The following DACH1 variants were observed in gnomAD, a reference collection of about 807,000 sequenced individuals.
DACH1 encodes the protein dachshund homolog 1.
A neutral mutation model predicts 54.2 loss-of-function variants in DACH1; 12 were observed. The observed-to-expected ratio is 0.22, with a 90% confidence interval of 0.14 to 0.36. The LOEUF (loss-of-function observed/expected upper bound fraction) is 0.36. DACH1 is among the 10% of genes least tolerant of loss of function. The probability of loss-of-function intolerance (pLI) is 1.00; values close to 1 mark genes in which losing one functional copy is unlikely to be tolerated. For missense variants in DACH1, 805 were observed against 929.8 expected, an observed-to-expected ratio of 0.87 and a Z score of 1.75; for synonymous variants, 386 against 366.2, an observed-to-expected ratio of 1.05 and a Z score of -0.62.
At chr13:71,546,160 AT>A (rs1164896185) in intron 6 of DACH1, among the ~76,000 whole-genome samples, 2 of 152,072 alleles carry the variant, frequency 1.3e-5, no homozygotes, top group Non-Finnish European at 2.9e-5. Context: ...TTGCAATAAA[AT>A]TTTTTTAAAT....
At chr13:71,705,789 T>A (rs1396007515) in intron 1 of DACH1, among the ~76,000 whole-genome samples, 1 of 152,010 alleles carries the variant, frequency 6.6e-6, no homozygotes, top group African/African-American at 2.4e-5. Context: ...TCAAGTCTTA[T>A]CTCTTCTGAG....
At chr13:71,686,772 A>G (rs1361476116) in intron 1 of DACH1, among the ~76,000 whole-genome samples, 1 of 152,236 alleles carries the variant, frequency 6.6e-6, no homozygotes, top group African/African-American at 2.4e-5. Context: ...ACATTGGAAA[A>G]TGTGAAAGTA....
intron 1 of DACH1, among the ~76,000 whole-genome samples, chr13:71,863,949 G>A (rs7336486): frequency 0.48 from 71,931 of 151,062 alleles, 18,727 homozygotes; most frequent in East Asian, 0.9. Context: ...TATAACAATC[G>A]TATCTGAACT....
At chr13:71,849,564 C>T (rs151038466) in intron 1 of DACH1, among the ~76,000 whole-genome samples, 417 of 152,212 alleles carry the variant, frequency 2.7e-3, no homozygotes, top group African/African-American at 9.4e-3. Context: ...TAGTAATTCA[C>T]CTCATTAGAG....
At chr13:71,449,552 A>G (rs1160759107) in intron 10 of DACH1, among the ~76,000 whole-genome samples, 1 of 151,850 alleles carries the variant, frequency 6.6e-6, no homozygotes, top group African/African-American at 2.4e-5. Flanking sequence ...GAGGGAGAGC[A>G]TTAGGACAAA....
intron 1 of DACH1, among the ~76,000 whole-genome samples, chr13:71,816,584 AT>A (rs1887937555): frequency 9.1e-6 from 1 of 110,246 alleles, no homozygotes; most frequent in Admixed American, 9.9e-5. Flanking sequence ...ATATACACGT[AT>A]ATATATACAC....
intron 2 of DACH1, among the ~76,000 whole-genome samples, chr13:71,672,322 G>T (rs565143402): frequency 1.3e-5 from 2 of 152,100 alleles, no homozygotes; most frequent in South Asian, 4.2e-4. Flanking sequence ...TAAATGTTTT[G>T]GGACACAAAC....
intron 6 of DACH1, among the ~76,000 whole-genome samples, chr13:71,525,557 T>C (rs753640843): frequency 2.0e-5 from 3 of 152,160 alleles, no homozygotes; most frequent in Middle Eastern, 3.2e-3. Context: ...AATATTCCCA[T>C]AATCTTGGGA....
intron 6 of DACH1, among the ~76,000 whole-genome samples, chr13:71,553,008 C>A (rs61957822): frequency 0.016 from 2,432 of 147,484 alleles, 24 homozygotes; most frequent in Middle Eastern, 0.072. Context: ...ATCGTGAAAC[C>A]CTGTCTCTAC....
intron 6 of DACH1, among the ~76,000 whole-genome samples, chr13:71,492,608 G>A (rs993697435): frequency 1.3e-5 from 2 of 151,906 alleles, no homozygotes; most frequent in African/African-American, 2.4e-5. Context: ...AAGGCACCAG[G>A]GTTAAGGTCA....
intron 10 of DACH1, among the ~76,000 whole-genome samples, chr13:71,443,741 A>G (rs1874209869): frequency 6.6e-6 from 1 of 151,878 alleles, no homozygotes; most frequent in Non-Finnish European, 1.5e-5. Flanking sequence ...TTTGGCCCCT[A>G]ACTGTCATTT....
intron 3 of DACH1, among the ~76,000 whole-genome samples, chr13:71,575,183 A>T (rs1885454865): frequency 6.6e-6 from 1 of 152,040 alleles, no homozygotes; most frequent in Admixed American, 6.6e-5. Flanking sequence ...CTATCGGGAT[A>T]TAGAAATCAT....
At chr13:71,682,752 T>C (rs1880977388) in intron 1 of DACH1, among the ~76,000 whole-genome samples, 1 of 152,180 alleles carries the variant, frequency 6.6e-6, no homozygotes, top group Non-Finnish European at 1.5e-5. Flanking sequence ...GTTTTAGCAG[T>C]ACTGTACTTT....
intron 10 of DACH1, among the ~76,000 whole-genome samples, chr13:71,465,956 A>G (rs1876528567): frequency 1.3e-5 from 2 of 152,172 alleles, no homozygotes; most frequent in Non-Finnish European, 2.9e-5. Flanking sequence ...ATATACTATC[A>G]TTGATATTTG....
At chr13:71,836,202 A>G (rs1594281260) in intron 1 of DACH1, among the ~76,000 whole-genome samples, 1 of 152,166 alleles carries the variant, frequency 6.6e-6, no homozygotes, top group Non-Finnish European at 1.5e-5. Context: ...AGTATTCTAG[A>G]TATTTCTCAT....
chr13:71,653,969 CTA>C (rs1878866326), intron 2 of DACH1, among the ~76,000 whole-genome samples: 1 of 152,046 alleles, frequency 6.6e-6, no homozygotes, highest in Admixed American at 6.6e-5. Context: ...GTGCTCAAAA[CTA>C]TAGTCAGCGT....
chr13:71,676,212 A>T (rs2138689468), intron 2 of DACH1, among the ~76,000 whole-genome samples: 1 of 152,162 alleles, frequency 6.6e-6, no homozygotes, highest in Non-Finnish European at 1.5e-5. Flanking sequence ...TTCTCAACAT[A>T]CAAGGCACAA....
chr13:71,557,002 G>A, intron 6 of DACH1, 22 bp downstream of exon 6: 1 of 1,567,240 alleles, frequency 6.4e-7, no homozygotes, highest in Non-Finnish European at 8.6e-7. Flanking sequence ...GGAAAAACAA[G>A]GAATATATAA....
At chr13:71,751,743 G>T (rs1018034290) in intron 1 of DACH1, among the ~76,000 whole-genome samples, 2 of 152,110 alleles carry the variant, frequency 1.3e-5, no homozygotes, top group Non-Finnish European at 2.9e-5. Flanking sequence ...ATATTAGATT[G>T]TATGGTTTTC....
Sources: gnomAD v4.1 joint callset for allele counts (sites outside exome capture counted in the v4.1 genomes callset) on GRCh38, gnomAD v4.1.1 for gene constraint, MANE v1.5 for transcripts, NCBI Gene and HGNC (gene_info 2026-07-23, HGNC 2026-07-21) for gene names.